Variants in PAGE2B observed in about 807,000 individuals in gnomAD.
PAGE2B encodes the protein PAGE family member 2B.
PAGE2B carries 5 observed loss-of-function variants against 7.6 expected under a neutral mutation model. That is an observed-to-expected ratio of 0.66 (90% CI 0.34 to 1.38). The LOEUF is 1.38. Ranked by LOEUF, PAGE2B falls within the 40% of genes most tolerant of loss-of-function variation. PAGE2B has a pLI of 0.04. For synonymous variants in PAGE2B, 29 were observed against 26.7 expected (o/e 1.09, Z -0.27); for missense variants, 70 against 78.4 (o/e 0.89, Z 0.41).
the PAGE2B span, among the ~76,000 whole-genome samples, chrX:55,037,598 C>G: frequency 9.2e-6 from 1 of 108,711 alleles, no homozygotes; most frequent in Non-Finnish European, 1.9e-5. Flanking sequence ...AAGACACATG[C>G]GCATGTATGT....
the PAGE2B span, among the ~76,000 whole-genome samples, chrX:55,039,588 A>G: frequency 9.0e-6 from 1 of 111,108 alleles, no homozygotes; most frequent in African/African-American, 3.3e-5. Context: ...CCTGAAAACA[A>G]GCATTTCCAG....
At chrX:55,059,983 G>A in the PAGE2B span, among the ~76,000 whole-genome samples, 14 of 110,954 alleles carry the variant, frequency 1.3e-4, no homozygotes, top group African/African-American at 4.6e-4. Flanking sequence ...GTATTCCATT[G>A]TGTGTGCCCG....
At chrX:55,035,926 C>A in the PAGE2B span, among the ~76,000 whole-genome samples, 1 of 111,564 alleles carries the variant, frequency 9.0e-6, no homozygotes, top group East Asian at 2.8e-4. Context: ...TTCTTCCTAC[C>A]CATTAGCATG....
At chrX:55,039,225 T>C in the PAGE2B span, among the ~76,000 whole-genome samples, 199 of 110,756 alleles carry the variant, frequency 1.8e-3, 1 homozygote, top group African/African-American at 5.6e-3. Flanking sequence ...TGAGTGATTT[T>C]CCCCCCCTGG....
At chrX:55,077,823 T>A (rs397833543) in intron 4 of PAGE2B, among the ~76,000 whole-genome samples, 18 of 112,428 alleles carry the variant, frequency 1.6e-4, no homozygotes, top group Non-Finnish European at 2.8e-4. Flanking sequence ...ATATGAAAGA[T>A]ATGAAACATG....
chrX:55,077,389 A>G lies in PAGE2B; in HGVS notation c.194-10A>G, dbSNP rs188237400. The stretch of plus-strand genomic sequence containing the variant: ...TAATTTGTAAACTGATGACCTTTTT[A>G]TCTTTTAAGGGCCTGACATGGAAGC... On this transcript the variant is annotated splice_polypyrimidine_tract_variant and intron_variant, in intron 3 of 4. Coordinates refer to ENST00000374971, the MANE Select transcript of PAGE2B (RefSeq NM_001015038.3). 802 of 1,206,901 alleles carry G rather than the reference A, an allele frequency of 6.6e-4. 7 individuals carry two copies. The African/African-American group carries it at 0.012, about 18-fold the overall frequency.
chrX:55,048,866 G>T, the PAGE2B span, among the ~76,000 whole-genome samples: 1 of 111,660 alleles, frequency 9.0e-6, no homozygotes, highest in African/African-American at 3.3e-5. Context: ...GTGAGAGAGG[G>T]CATCCCTGTC....
At position 55,076,202 on chromosome X, in the gene PAGE2B, C is replaced by T. The variant is rs756733535; in HGVS notation, c.84+77C>T. 13 of 1,042,508 alleles carry T rather than the reference C, an allele frequency of 1.2e-5. No homozygotes were observed. The South Asian group carries it at 2.1e-4, about 17-fold the overall frequency. 85.9% of individuals were successfully genotyped at this position (1,042,508 alleles called of 1,213,427 possible). A position where few individuals can be genotyped will look rare whatever the true frequency, so the allele number is the denominator to read the frequency against. Reference sequence around the variant, plus strand: ...ATATTTTTGAGCTAGTGTACACGCACTGATACAGGTGTTCCATGCTGATAA... The same window carrying T: ...ATATTTTTGAGCTAGTGTACACGCATTGATACAGGTGTTCCATGCTGATAA... On this transcript the variant is annotated intron_variant, in intron 2 of 4. Coordinates refer to ENST00000374971, the MANE Select transcript of PAGE2B (RefSeq NM_001015038.3).
the PAGE2B span, among the ~76,000 whole-genome samples, chrX:55,047,205 T>G: frequency 2.7e-5 from 3 of 110,662 alleles, no homozygotes; most frequent in African/African-American, 9.9e-5. Context: ...TGCGATAGTT[T>G]GCTGAGAATG....
the PAGE2B span, among the ~76,000 whole-genome samples, chrX:55,036,866 G>A: frequency 9.1e-6 from 1 of 109,886 alleles, no homozygotes; most frequent in African/African-American, 3.4e-5. Context: ...AGCTGAAACT[G>A]GATCCCTTCC....
chrX:55,055,373 G>T, the PAGE2B span: 1 of 105,801 alleles, frequency 9.5e-6, no homozygotes, highest in Non-Finnish European at 1.9e-5. Context: ...AAAAAAAAAA[G>T]TATATATATA....
At chrX:55,040,767 C>T in the PAGE2B span, among the ~76,000 whole-genome samples, 2 of 111,333 alleles carry the variant, frequency 1.8e-5, no homozygotes, top group African/African-American at 6.5e-5. Context: ...TTGTTCTTAA[C>T]CACTCAACTA....
chrX:55,071,283 G>C (rs939824990), upstream of PAGE2B, among the ~76,000 whole-genome samples: 5 of 111,041 alleles, frequency 4.5e-5, no homozygotes, highest in African/African-American at 1.6e-4. Flanking sequence ...GTCTGTAAAG[G>C]ATTTCGTTTC....
the PAGE2B span, among the ~76,000 whole-genome samples, chrX:55,066,690 T>C: frequency 8.9e-6 from 1 of 111,747 alleles, no homozygotes; most frequent in Non-Finnish European, 1.9e-5. Context: ...TTGTTTCTTT[T>C]CTCTTGCTGC....
the PAGE2B span, among the ~76,000 whole-genome samples, chrX:55,052,071 C>T: frequency 1.8e-5 from 2 of 111,946 alleles, no homozygotes; most frequent in African/African-American, 6.5e-5. Flanking sequence ...TACTGGAGGT[C>T]CACTCCAGAC....
At chrX:55,053,213 C>A in the PAGE2B span, among the ~76,000 whole-genome samples, 1 of 111,708 alleles carries the variant, frequency 9.0e-6, no homozygotes, top group Non-Finnish European at 1.9e-5. Flanking sequence ...AGATCATGTC[C>A]TTTGCAGGAA....
the PAGE2B span, among the ~76,000 whole-genome samples, chrX:55,064,901 G>T: frequency 5.4e-5 from 6 of 111,383 alleles, no homozygotes; most frequent in South Asian, 3.7e-4. Flanking sequence ...TTCCATTTTG[G>T]TCAGAGAAGA....
At chrX:55,071,507 G>A (rs1449433424), upstream of PAGE2B, among the ~76,000 whole-genome samples, 1 of 111,504 alleles carries the variant, frequency 9.0e-6, no homozygotes, top group African/African-American at 3.3e-5. Flanking sequence ...CAACCTTGGT[G>A]AATCTGACCA....
At chrX:55,038,037 A>C in the PAGE2B span, among the ~76,000 whole-genome samples, 2 of 109,814 alleles carry the variant, frequency 1.8e-5, no homozygotes, top group Non-Finnish European at 3.8e-5. Context: ...TGTACCCTAA[A>C]ACTTAAAGTA....
Sources: gnomAD v4.1 joint callset for allele counts (sites outside exome capture counted in the v4.1 genomes callset) on GRCh38, gnomAD v4.1.1 for gene constraint, MANE v1.5 for transcripts, NCBI Gene and HGNC (gene_info 2026-07-23, HGNC 2026-07-21) for gene names.